ZNF112: variants seen among roughly 807,000 people sequenced by gnomAD.
ZNF112 encodes the protein zinc finger protein 112.
Under a neutral mutation model 77.7 loss-of-function variants are expected in ZNF112, and 37 were observed. That is an observed-to-expected ratio of 0.48 (90% CI 0.37 to 0.63). The LOEUF (loss-of-function observed/expected upper bound fraction) is 0.63, where lower values mean the gene tolerates loss of function less well. Among genes scored for constraint, ZNF112 ranks in the 20% least tolerant of loss-of-function variants. ZNF112 has a pLI of 0.00. For missense variants in ZNF112, 950 were observed against 1,077.4 expected (o/e 0.88, Z 1.66); for synonymous variants, 333 against 363.6 (o/e 0.92, Z 0.96).
In ZNF112 at chr19:44,328,832, C is replaced by A. The variant is rs748396972; in HGVS notation, c.1325G>T (p.Cys442Phe). 6.2e-7 allele frequency: 1 copy of A among 1,614,022 alleles called. No individual in the cohort carries two copies. Among genetic ancestry groups the A allele is most frequent in the African/African-American group, 1.3e-5 (1 of 75,032 alleles). Residue 442 changes from cysteine to phenylalanine, a missense_variant, in exon 4 of 4, where the codon TGT becomes TTT. Physicochemically the swap from Cys to Phe is radical, Grantham distance 205 (BLOSUM62 -2). Transcript: ENST00000354340. ...TGAGGCCAGACTGAAGCCATTACCA[C>A]ACTCCTCAGAATTATATGAATTCTC... ...MEENSYNSEECGNGFSLASHF... is the reference protein window; with the variant it reads ...MEENSYNSEEFGNGFSLASHF...
chr19:44,334,348 A>C (rs139056299), intron 3 of ZNF112, among the ~76,000 whole-genome samples: 9 of 152,370 alleles, frequency 5.9e-5, no homozygotes, highest in South Asian at 2.1e-4. Flanking sequence ...TGAAACTGGA[A>C]CTTATATTTA....
rs1970195585 is a variant in ZNF112 at position 44,328,822 on chromosome 19, G to A, written c.1335C>T (p.Gly445=). 8 of 1,614,016 alleles carry A rather than the reference G, an allele frequency of 5.0e-6. No individual in the cohort carries two copies. Among genetic ancestry groups the A allele is most frequent in the Non-Finnish European group, 5.9e-6 (7 of 1,179,950 alleles). The change falls in exon 4 of 4, where the codon GGC becomes GGT. Residue 445 remains glycine (G), a synonymous_variant. Transcript: ENST00000354340. The stretch of plus-strand genomic sequence containing the variant: ...CCTGAAAATGTGAGGCCAGACTGAA[G>A]CCATTACCACACTCCTCAGAATTAT... ...NSYNSEECGN[G]FSLASHFQDL...
upstream of ZNF112, among the ~76,000 whole-genome samples, chr19:44,359,406 C>T (rs1238358149): frequency 6.9e-6 from 1 of 145,788 alleles, no homozygotes; most frequent in Non-Finnish European, 1.5e-5. Context: ...TCACTGCAAC[C>T]TCTGCCTCTC....
chr19:44,360,798 G>T (rs1158344292), upstream of ZNF112, among the ~76,000 whole-genome samples: 1 of 152,120 alleles, frequency 6.6e-6, no homozygotes, highest in Non-Finnish European at 1.5e-5. Context: ...AACAATCTAA[G>T]GCTGGTGGAT....
In ZNF112 at chr19:44,327,801, G is replaced by A; in HGVS notation, c.2356C>T (p.Leu786Phe). The change falls in exon 4 of 4, where the codon CTT becomes TTT. Residue 786 changes from leucine (L) to phenylalanine (F), a missense_variant. Around this residue, in one of 3 missense-constraint regions of ZNF112, gnomAD observed 373 missense variants for 482.8 expected, o/e 0.77. Transcript: ENST00000354340. ...ACATGAACCCTTTGGTGTGCTTGAAGGCGTGAACTCTCACTGAAACCCTTT... is the reference window on the plus strand; with the variant it reads ...ACATGAACCCTTTGGTGTGCTTGAAAGCGTGAACTCTCACTGAAACCCTTT... ...CTKGFSESSR[L>F]QAHQRVHVEG... The A allele has an allele frequency of 6.2e-7, 1 of 1,613,832 alleles. No homozygotes were observed.
chr19:44,351,573 A>G (rs1970692268), intron 1 of ZNF112, among the ~76,000 whole-genome samples: 3 of 152,074 alleles, frequency 2.0e-5, no homozygotes, highest in Admixed American at 2.0e-4. Flanking sequence ...ATTAAGTTGT[A>G]CTCAATCATT....
Position 44,329,717 on chromosome 19 carries a change from T to G in ZNF112, c.440A>C (p.Glu147Ala). 1 of 1,614,104 alleles carries G rather than the reference T, an allele frequency of 6.2e-7. No homozygotes were observed. Among genetic ancestry groups the G allele is most frequent in the Non-Finnish European group, 8.5e-7 (1 of 1,180,012 alleles). ...VWAGIPVQISEDKNYIFTHIG... is the reference protein window; with the variant it reads ...VWAGIPVQISADKNYIFTHIG... ...ATGAGTGAATATATAGTTCTTATCT[T>G]CAGAAATCTGAACTGGTATTCCTGC... is the stretch of plus-strand genomic sequence containing the variant. The change falls in exon 4 of 4, where the codon GAA becomes GCA. Residue 147 changes from glutamate to alanine, a missense_variant. Glu to Ala is a moderately radical substitution (Grantham distance 107). Around this residue, in one of 3 missense-constraint regions of ZNF112, gnomAD observed 560 missense variants for 557.3 expected, o/e 1.00. Coordinates refer to ENST00000354340, the MANE Select transcript of ZNF112 (RefSeq NM_013380.4).
Position 44,328,917 on chromosome 19 carries a change from A to G in ZNF112, c.1240T>C (p.Tyr414His), listed in dbSNP as rs376174998. ...GAACTACAAATGAAACTCTTTCCAT[A>G]CTCTATATCTGTGTATAGTTTCTCT... Reference protein sequence around the residue: ...TEEKLYTDIEYGKSFICSSNL... With the variant: ...TEEKLYTDIEHGKSFICSSNL... Residue 414 changes from tyrosine to histidine, a missense_variant, in exon 4 of 4, where the codon TAT becomes CAT. Coordinates refer to ENST00000354340, the MANE Select transcript of ZNF112 (RefSeq NM_013380.4). 8.7e-6 allele frequency: 14 copies of G among 1,613,816 alleles called. No homozygotes were observed. Among genetic ancestry groups the G allele is most frequent in the Non-Finnish European group, 1.2e-5 (14 of 1,179,994 alleles).
chr19:44,347,506 T>TTTA (rs151128809), intron 1 of ZNF112, among the ~76,000 whole-genome samples: 2,922 of 99,936 alleles, frequency 0.029, 105 homozygotes, highest in Middle Eastern at 0.042. Flanking sequence ...TTTTTTTTTT[T>TTTA]ACTATTCCAT....
chr19:44,354,111 T>C (rs868100516), intron 1 of ZNF112, among the ~76,000 whole-genome samples: 1 of 152,154 alleles, frequency 6.6e-6, no homozygotes, highest in South Asian at 2.1e-4. Context: ...GAATCCGGTC[T>C]CAAATGTTAA....
At position 44,329,052 on chromosome 19, in the gene ZNF112, T is replaced by G; in HGVS notation, c.1105A>C (p.Asn369His). ...EKAFSHSLDLNSIFRVHTRDE... is the reference protein window; with the variant it reads ...EKAFSHSLDLHSIFRVHTRDE... ...CTAGTATGGACCCTAAAAATACTAT[T>G]AAGGTCTAAGCTATGACTGAAGGCT... The change falls in exon 4 of 4, where the codon AAT becomes CAT. Residue 369 changes from asparagine (N) to histidine (H), a missense_variant. By Grantham distance (68) the Asn-to-His change is moderately conservative. Around this residue, in one of 3 missense-constraint regions of ZNF112, gnomAD observed 560 missense variants for 557.3 expected, o/e 1.00. Transcript: ENST00000354340. The G allele has an allele frequency of 6.2e-7, 1 of 1,613,914 alleles. No individual in the cohort carries two copies. The highest frequency in any genetic ancestry group is 8.5e-7 in the Non-Finnish European group (1 of 1,179,964).
rs1006394528 is a variant in ZNF112 at position 44,327,230 on chromosome 19, C to A, written c.*203G>T. 18 of 522,246 alleles carry A rather than the reference C, an allele frequency of 3.4e-5. No homozygotes were observed. Among genetic ancestry groups the A allele is most frequent in the Admixed American group, 3.4e-4 (10 of 29,046 alleles). 32.4% of individuals were successfully genotyped at this position (522,246 alleles called of 1,614,324 possible). On this transcript the variant is annotated 3_prime_UTR_variant, in exon 4 of 4. Transcript: ENST00000354340. ...CTGACCATACTCATATTTTATAAGCCTTAGCTCCTGTGCAATGACTGATGT... is the reference window on the plus strand; with the variant it reads ...CTGACCATACTCATATTTTATAAGCATTAGCTCCTGTGCAATGACTGATGT...
In ZNF112 at chr19:44,327,385, C is replaced by T; in HGVS notation, c.*48G>A. 1.4e-6 allele frequency: 2 copies of T among 1,459,740 alleles called. No homozygotes were observed. The highest frequency in any genetic ancestry group is 1.4e-5 in the African/African-American group (1 of 70,250). The allele number at this position is 1,459,740 out of a possible 1,614,324, so 90.4% of individuals were successfully genotyped here. A position where few individuals can be genotyped will look rare whatever the true frequency, so the allele number is the denominator to read the frequency against. On this transcript the variant is annotated 3_prime_UTR_variant, in exon 4 of 4. Transcript: ENST00000354340. ...TTAATTTTTAAAAATTCTTTTTCTA[C>T]TGAAAGAACTCTAGTGACTGGAAAA... is the stretch of plus-strand genomic sequence containing the variant.
upstream of ZNF112, among the ~76,000 whole-genome samples, chr19:44,360,984 T>G (rs1369381376): frequency 6.6e-6 from 1 of 152,212 alleles, no homozygotes; most frequent in Admixed American, 6.5e-5. Flanking sequence ...GATAAATATT[T>G]TTGTTATTTA....
At position 44,362,276 on chromosome 19, in the gene ZNF112, G is replaced by T. The variant is rs9749346; in HGVS notation, c.17+4805C>A. On this transcript the variant is annotated intron_variant, in intron 1 of 4. Coordinates refer to the ZNF112 transcript ENST00000588057. ...GTAGGAGGAGGAGAAGTAGGAGGAGGAAGAGTAAGAGAAAAAGGAGGAAGA... is the reference window on the plus strand; with the variant it reads ...GTAGGAGGAGGAGAAGTAGGAGGAGTAAGAGTAAGAGAAAAAGGAGGAAGA... 7.8e-3 allele frequency among the ~76,000 whole-genome samples: 1,191 copies of T among 152,116 alleles called. 5 individuals carry two copies. Among genetic ancestry groups the T allele is most frequent in the Middle Eastern group, 0.027 (8 of 294 alleles).
At chr19:44,347,652 A>G (rs1970620324) in intron 1 of ZNF112, among the ~76,000 whole-genome samples, 1 of 151,068 alleles carries the variant, frequency 6.6e-6, no homozygotes, top group South Asian at 2.1e-4. Context: ...TAAAATGCAG[A>G]TGCCTTACCA....
chr19:44,360,653 T>G (rs1319775728), upstream of ZNF112, among the ~76,000 whole-genome samples: 4 of 125,618 alleles, frequency 3.2e-5, no homozygotes, highest in Admixed American at 8.1e-5. Context: ...ATATGCATGC[T>G]CATGTTGACT....
intron 1 of ZNF112, among the ~76,000 whole-genome samples, chr19:44,356,337 T>G (rs930825129): frequency 6.6e-6 from 1 of 152,202 alleles, no homozygotes; most frequent in Non-Finnish European, 1.5e-5. Flanking sequence ...GTTATTATAC[T>G]GCTAGGAAGT....
At chr19:44,351,381 C>T (rs1302012830) in intron 1 of ZNF112, among the ~76,000 whole-genome samples, 1 of 152,082 alleles carries the variant, frequency 6.6e-6, no homozygotes, top group Non-Finnish European at 1.5e-5. Flanking sequence ...CATCTTTCAA[C>T]TCATTGATAT....
Sources: allele counts gnomAD v4.1 joint callset (sites outside exome capture counted in the v4.1 genomes callset), GRCh38; gene constraint gnomAD v4.1.1; regional missense constraint gnomAD v4.1.1; transcripts MANE v1.5; gene names NCBI Gene and HGNC (gene_info 2026-07-23, HGNC 2026-07-21).